Variants in MINPP1 observed in about 807,000 individuals in gnomAD.
The protein encoded by MINPP1 is multiple inositol polyphosphate phosphatase 1.
In MINPP1, 28 loss-of-function variants were observed where a neutral mutation model predicts 46.1. The observed-to-expected ratio is 0.61, with a 90% confidence interval of 0.45 to 0.83. MINPP1 has a LOEUF of 0.83. Among genes scored for constraint, MINPP1 ranks in the 40% least tolerant of loss-of-function variants. The pLI is 0.00. For missense variants in MINPP1, 603 were observed against 610.0 expected (o/e 0.99, Z 0.12); for synonymous variants, 268 against 249.1 (o/e 1.08, Z -0.72).
chr10:87,526,851 G>A (rs962662121), intron 4 of MINPP1, among the ~76,000 whole-genome samples: 1 of 152,132 alleles, frequency 6.6e-6, no homozygotes, highest in African/African-American at 2.4e-5. Flanking sequence ...AGATCAGATG[G>A]TTGTAGATGT....
chr10:87,509,431 C>T (rs1851303144), intron 2 of MINPP1, among the ~76,000 whole-genome samples: 1 of 152,192 alleles, frequency 6.6e-6, no homozygotes, highest in African/African-American at 2.4e-5. Flanking sequence ...AGTACATTGG[C>T]ATCGCCTGTG....
At chr10:87,542,309 C>T (rs1315592415) in intron 4 of MINPP1, among the ~76,000 whole-genome samples, 2 of 140,636 alleles carry the variant, frequency 1.4e-5, no homozygotes, top group East Asian at 2.0e-4. Flanking sequence ...CTTTTTCTCT[C>T]TCTCTCTCTT....
At chr10:87,533,672 T>A (rs562265748) in intron 4 of MINPP1, among the ~76,000 whole-genome samples, 49 of 152,358 alleles carry the variant, frequency 3.2e-4, no homozygotes, top group Non-Finnish European at 6.9e-4. Context: ...TATTTTTTAC[T>A]GTTACTAAAT....
At chr10:87,529,706 ATCTTTGTGGCGT>A (rs1347970645) in intron 4 of MINPP1, among the ~76,000 whole-genome samples, 1 of 152,146 alleles carries the variant, frequency 6.6e-6, no homozygotes, top group East Asian at 1.9e-4. Flanking sequence ...CTCAAGGAGT[ATCTTTGTGGCGT>A]TCTCTGTATT....
chr10:87,528,736 A>G (rs1286644787), intron 4 of MINPP1, among the ~76,000 whole-genome samples: 10 of 152,158 alleles, frequency 6.6e-5, no homozygotes, highest in Admixed American at 2.0e-4. Flanking sequence ...TGCTTGGTGC[A>G]GAGCTGAGTT....
chr10:87,517,870 C>G (rs1432178367), intron 3 of MINPP1, among the ~76,000 whole-genome samples: 6 of 151,076 alleles, frequency 4.0e-5, no homozygotes, highest in African/African-American at 1.5e-4. Context: ...CCATGTTGGC[C>G]AGGCTGGTCT....
chr10:87,522,201 T>G (rs958271304), intron 4 of MINPP1, among the ~76,000 whole-genome samples: 3 of 152,198 alleles, frequency 2.0e-5, no homozygotes, highest in African/African-American at 7.2e-5. Context: ...GAAAAATTTT[T>G]TTTAAAGAAG....
chr10:87,508,096 A>G, intron 1 of MINPP1: 2 of 1,510,236 alleles, frequency 1.3e-6, no homozygotes, highest in South Asian at 2.6e-5. Flanking sequence ...GCATCTCTAC[A>G]ACACATTTAA....
chr10:87,532,131 C>G (rs1851669048), intron 4 of MINPP1, among the ~76,000 whole-genome samples: 1 of 152,200 alleles, frequency 6.6e-6, no homozygotes, highest in African/African-American at 2.4e-5. Context: ...GGCAATTGTC[C>G]AAATAATGAA....
At chr10:87,545,318 A>G (rs1239301856) in intron 4 of MINPP1, among the ~76,000 whole-genome samples, 1 of 151,964 alleles carries the variant, frequency 6.6e-6, no homozygotes, top group East Asian at 1.9e-4. Context: ...TTTTTTTTAA[A>G]AAAGACATAA....
intron 4 of MINPP1, 133 bp from the exon 5 acceptor site, chr10:87,551,949 G>A (rs1180747510): frequency 5.6e-6 from 4 of 720,590 alleles, no homozygotes; most frequent in African/African-American, 1.8e-5. Context: ...CTTGTGTAAT[G>A]TATATAAAGA....
At position 87,550,607 on chromosome 10, in the gene MINPP1, T is replaced by A. The variant is rs144923192; in HGVS notation, c.1068-1475T>A. On this transcript the variant is annotated intron_variant, in intron 4 of 4. Coordinates refer to ENST00000371996, the MANE Select transcript of MINPP1 (RefSeq NM_004897.5). ...GTTATTTTGATATGAATTGTTTTCCTGAACATTTAGAAAAAGGTTTGTGTC... is the reference window on the plus strand; with the variant it reads ...GTTATTTTGATATGAATTGTTTTCCAGAACATTTAGAAAAAGGTTTGTGTC... 2.0e-5 allele frequency among the ~76,000 whole-genome samples: 3 copies of A among 152,142 alleles called. No individual in the cohort carries two copies. The East Asian group carries it at 5.8e-4, about 29-fold the overall frequency.
Position 87,513,207 on chromosome 10 carries a change from A to G in MINPP1, c.919A>G (p.Ile307Val), listed in dbSNP as rs745412262. The G allele has an allele frequency of 6.8e-6, 11 of 1,612,536 alleles. No individual in the cohort carries two copies. The highest frequency in any genetic ancestry group is 4.5e-5 in the East Asian group (2 of 44,796). The change falls in exon 3 of 5, where the codon ATA becomes GTA. Residue 307 changes from isoleucine to valine, a missense_variant. By Grantham distance (29) the Ile-to-Val change is conservative. Coordinates refer to ENST00000371996, the MANE Select transcript of MINPP1 (RefSeq NM_004897.5). ...VKSPWCDVFD[I>V]DDAKVLEYLN... is the part of the protein sequence containing the mutation. ...ATCTCCTTGGTGTGATGTTTTTGAC[A>G]TAGATGATGCAAAGGTAAGTATTAT...
intron 2 of MINPP1, among the ~76,000 whole-genome samples, chr10:87,511,543 C>T (rs993671681): frequency 6.6e-6 from 1 of 152,094 alleles, no homozygotes; most frequent in Middle Eastern, 3.2e-3. Flanking sequence ...AGGGTCATAA[C>T]AGATAAGTCA....
chr10:87,540,270 T>C (rs1851795044), intron 4 of MINPP1, among the ~76,000 whole-genome samples: 1 of 152,230 alleles, frequency 6.6e-6, no homozygotes, highest in Non-Finnish European at 1.5e-5. Context: ...CATGAGACCA[T>C]AGATAAAATA....
intron 1 of MINPP1, among the ~76,000 whole-genome samples, chr10:87,506,467 A>G (rs1851252833): frequency 6.6e-6 from 1 of 152,216 alleles, no homozygotes; most frequent in Admixed American, 6.5e-5. Flanking sequence ...CCTTACAACC[A>G]CAATCTGGAG....
At chr10:87,531,831 T>G (rs1851664529) in intron 4 of MINPP1, among the ~76,000 whole-genome samples, 1 of 152,106 alleles carries the variant, frequency 6.6e-6, no homozygotes, top group Non-Finnish European at 1.5e-5. Context: ...TAGACTTGGG[T>G]CCCATCCCCA....
chr10:87,552,243 C>T lies in MINPP1; in HGVS notation c.1229C>T (p.Pro410Leu), dbSNP rs1392638238. 1.2e-6 allele frequency: 2 copies of T among 1,613,640 alleles called. No homozygotes were observed. Among genetic ancestry groups the T allele is most frequent in the African/African-American group, 1.3e-5 (1 of 74,856 alleles). Residue 410 changes from proline to leucine, a missense_variant, in exon 5 of 5, where the codon CCT (proline) becomes CTT (leucine). Around this residue, in one of 3 missense-constraint regions of MINPP1, gnomAD observed 344 missense variants for 381.1 expected, o/e 0.90. Transcript: ENST00000371996. The part of the protein sequence containing the change: ...HRKFRSGLIV[P>L]YASNLIFVLY... Reference sequence around the variant, plus strand: ...AAGTTCCGAAGTGGTCTCATTGTACCTTATGCCTCGAACCTGATATTTGTG... The same window carrying T: ...AAGTTCCGAAGTGGTCTCATTGTACTTTATGCCTCGAACCTGATATTTGTG...
chr10:87,509,951 T>G (rs1851311662), intron 2 of MINPP1, among the ~76,000 whole-genome samples: 2 of 152,226 alleles, frequency 1.3e-5, no homozygotes. Flanking sequence ...TTATGTATTT[T>G]ACTGATGAAG....
Sources: allele counts gnomAD v4.1 joint callset (sites outside exome capture counted in the v4.1 genomes callset), GRCh38; gene constraint gnomAD v4.1.1; regional missense constraint gnomAD v4.1.1; transcripts MANE v1.5; gene names NCBI Gene and HGNC (gene_info 2026-07-23, HGNC 2026-07-21).